Variants in TESC observed in about 807,000 individuals in gnomAD.
The protein encoded by TESC is tescalcin.
In TESC, 19 loss-of-function variants were observed where a neutral mutation model predicts 31.0. The observed-to-expected ratio is 0.61, with a 90% CI of 0.43 to 0.90. TESC has a LOEUF of 0.90. Ranked by LOEUF, TESC falls within the 40% of genes least tolerant of loss-of-function variation. The pLI, the probability that TESC is intolerant of heterozygous loss-of-function variation, is 0.00. For synonymous variants in TESC, 109 were observed against 114.8 expected (o/e 0.95, Z 0.32); for missense variants, 248 against 303.8 (o/e 0.82, Z 1.36).
intron 7 of TESC, among the ~76,000 whole-genome samples, 182 bp from the exon 8 acceptor site, chr12:117,039,392 ATCTG>A (rs1161085018): frequency 1.3e-5 from 2 of 152,184 alleles, no homozygotes; most frequent in Non-Finnish European, 2.9e-5. Flanking sequence ...AAAAACTTCC[ATCTG>A]TCTTTTTTGC....
At chr12:117,067,138 G>A (rs1260998656) in intron 2 of TESC, among the ~76,000 whole-genome samples, 4 of 152,088 alleles carry the variant, frequency 2.6e-5, no homozygotes, top group Admixed American at 6.6e-5. Context: ...TTAAGTGAAC[G>A]TGCATCATCC....
chr12:117,041,017 C>CTGCGGGGAGGGGGA (rs1954475614), intron 7 of TESC, among the ~76,000 whole-genome samples: 1 of 133,440 alleles, frequency 7.5e-6, no homozygotes, highest in African/African-American at 2.9e-5. Flanking sequence ...CAGGGCCGAA[C>CTGCGGGGAGGGGGA]TGCGGGGAGG....
In TESC at chr12:117,038,993, A is replaced by G. The variant is rs1954440454; in HGVS notation, c.*140T>C. The G allele has an allele frequency of 3.6e-6, 3 of 838,256 alleles. No homozygotes were observed. The South Asian group carries it at 4.8e-5, about 13-fold the overall frequency. 51.9% of individuals were successfully genotyped at this position (838,256 alleles called of 1,614,324 possible). A position where few individuals can be genotyped will look rare whatever the true frequency, so the allele number is the denominator to read the frequency against. On this transcript the variant is annotated 3_prime_UTR_variant, in exon 8 of 8. Transcript: ENST00000335209. ...CGAAGTCCCACATACCATACCCTAC[A>G]AGACACAAGGTGCGCAGACGAGCCT...
chr12:117,048,776 C>G (rs988360686), intron 4 of TESC: 3 of 663,884 alleles, frequency 4.5e-6, no homozygotes, highest in Admixed American at 4.2e-5. Flanking sequence ...TCACATCCAC[C>G]GCACAACCCC....
At chr12:117,043,404 C>T (rs74238493) in intron 6 of TESC, among the ~76,000 whole-genome samples, 2,420 of 152,260 alleles carry the variant, frequency 0.016, 74 homozygotes, top group South Asian at 0.12. Context: ...GCATGTTATG[C>T]ACCAGGCATG....
chr12:117,085,732 C>T (rs898455009), intron 1 of TESC, among the ~76,000 whole-genome samples: 1 of 152,176 alleles, frequency 6.6e-6, no homozygotes, highest in Non-Finnish European at 1.5e-5. Flanking sequence ...GACAGTGCTG[C>T]CGGGGGAGGC....
In TESC at chr12:117,067,790, G is replaced by A. The variant is rs568610381; in HGVS notation, c.128+7481C>T. 4.5e-4 allele frequency among the ~76,000 whole-genome samples: 68 copies of A among 152,304 alleles called. No homozygotes were observed. The South Asian group carries it at 0.012, about 28-fold the overall frequency. On this transcript the variant is annotated intron_variant, in intron 2 of 7. Coordinates refer to ENST00000335209, the MANE Select transcript of TESC (RefSeq NM_017899.4). ...TAATCTGTAAAATGGGGATAATAAT[G>A]TCAACCTCAGAGGGTTCCTGAGACC... is the stretch of plus-strand genomic sequence containing the variant.
chr12:117,075,617 G>A (rs1431395353), intron 1 of TESC, among the ~76,000 whole-genome samples: 1 of 151,622 alleles, frequency 6.6e-6, no homozygotes, highest in African/African-American at 2.4e-5. Flanking sequence ...TCATGAAGCA[G>A]GCCATTCTCC....
At position 117,042,437 on chromosome 12, in the gene TESC, C is replaced by T. The variant is rs370409865; in HGVS notation, c.520-443G>A. 2.2e-4 allele frequency among the ~76,000 whole-genome samples: 34 copies of T among 152,300 alleles called. No individual in the cohort carries two copies. The East Asian group carries it at 3.7e-3, about 16-fold the overall frequency. On this transcript the variant is annotated intron_variant, in intron 6 of 7. Coordinates refer to ENST00000335209, the MANE Select transcript of TESC (RefSeq NM_017899.4). ...CCTAGGTCTGGCCTCCTCATGCCTG[C>T]GCTGTGCTGATAAGAAGATTCCAGG...
intron 2 of TESC, among the ~76,000 whole-genome samples, chr12:117,065,511 C>T (rs575990495): frequency 4.7e-4 from 72 of 152,230 alleles, no homozygotes; most frequent in African/African-American, 1.7e-3. Context: ...GCATGTTAAG[C>T]GGCATGTCTT....
At chr12:117,075,454 C>G in intron 1 of TESC, 114 bp from the exon 2 acceptor site, 1 of 1,060,278 alleles carries the variant, frequency 9.4e-7, no homozygotes, top group Non-Finnish European at 1.4e-6. Context: ...CACCCCTTCT[C>G]AAAGCATCTC....
chr12:117,039,871 G>A (rs1398736802), intron 7 of TESC, among the ~76,000 whole-genome samples: 2 of 152,214 alleles, frequency 1.3e-5, no homozygotes, highest in Non-Finnish European at 2.9e-5. Context: ...CCTTGGAGTG[G>A]GCCTTCGTGC....
chr12:117,071,560 T>C (rs1406492083), intron 2 of TESC, among the ~76,000 whole-genome samples: 2 of 152,192 alleles, frequency 1.3e-5, no homozygotes, highest in African/African-American at 2.4e-5. Flanking sequence ...ATGACGTTGA[T>C]GGCACTGGGT....
At chr12:117,079,220 A>C (rs12313308) in intron 1 of TESC, among the ~76,000 whole-genome samples, 7,906 of 152,206 alleles carry the variant, frequency 0.052, 660 homozygotes, top group African/African-American at 0.18. Context: ...GAAGATAAAT[A>C]AGATTAGAAA....
chr12:117,075,913 A>ATATATATATATATATATATATGTGTG (rs1265957613), intron 1 of TESC, among the ~76,000 whole-genome samples: 29 of 51,948 alleles, frequency 5.6e-4, no homozygotes, highest in East Asian at 1.9e-3. Flanking sequence ...ATATATATAT[A>ATATATATATATATATATATATGTGTG]TGTGTGTGTG....
At chr12:117,076,600 C>T (rs145191096) in intron 1 of TESC, among the ~76,000 whole-genome samples, 2,501 of 152,274 alleles carry the variant, frequency 0.016, 225 homozygotes, top group Admixed American at 0.15. Context: ...CGCGCCACCA[C>T]GCCCAGCTAA....
chr12:117,075,488 G>A (rs370253938), intron 1 of TESC, 148 bp from the exon 2 acceptor site: 11 of 772,290 alleles, frequency 1.4e-5, no homozygotes, highest in Middle Eastern at 3.8e-4. Context: ...AGCGAGTGCC[G>A]GGTGAAGCAG....
chr12:117,075,889 A>ATATATATATATATATGTGTGTGTGTGTG (rs1955056143), intron 1 of TESC, among the ~76,000 whole-genome samples: 1 of 71,816 alleles, frequency 1.4e-5, no homozygotes, highest in African/African-American at 8.4e-5. Flanking sequence ...ATATATATAT[A>ATATATATATATATATGTGTGTGTGTGTG]TATATATATA....
At position 117,049,016 on chromosome 12, in the gene TESC, C is replaced by A; in HGVS notation, c.349+3G>T. ...GTGAGCAAGGGGACTCAGTGGCACGCACATCTCAGCTTCTCCTTCCGGGAC... is the reference window on the plus strand; with the variant it reads ...GTGAGCAAGGGGACTCAGTGGCACGAACATCTCAGCTTCTCCTTCCGGGAC... On this transcript the variant is annotated splice_donor_region_variant and intron_variant, in intron 4 of 7. Coordinates refer to ENST00000335209, the MANE Select transcript of TESC (RefSeq NM_017899.4). 2 of 1,614,162 alleles carry A rather than the reference C, an allele frequency of 1.2e-6. No individual in the cohort carries two copies. Among genetic ancestry groups the A allele is most frequent in the Non-Finnish European group, 1.7e-6 (2 of 1,180,010 alleles).
Sources: allele counts gnomAD v4.1 joint callset (sites outside exome capture counted in the v4.1 genomes callset), GRCh38; gene constraint gnomAD v4.1.1; transcripts MANE v1.5; gene names NCBI Gene and HGNC (gene_info 2026-07-23, HGNC 2026-07-21).